The following COL28A1 variants were observed in gnomAD, a reference collection of about 807,000 sequenced individuals.
The protein encoded by COL28A1 is collagen type XXVIII alpha 1 chain.
Under a neutral mutation model 150.2 loss-of-function variants are expected in COL28A1, and 161 were observed. That is an observed-to-expected ratio of 1.07 (90% CI 0.94 to 1.22). The LOEUF (loss-of-function observed/expected upper bound fraction) is 1.22. COL28A1 is among the 50% of genes most tolerant of loss of function. COL28A1 has a pLI of 0.00. For synonymous variants in COL28A1, 552 were observed against 469.7 expected (o/e 1.18, Z -2.26); for missense variants, 1,617 against 1,388.3 (o/e 1.16, Z -2.62).
intron 13 of COL28A1, among the ~76,000 whole-genome samples, chr7:7,483,635 G>C (rs1290573489): frequency 6.6e-6 from 1 of 152,036 alleles, no homozygotes; most frequent in Non-Finnish European, 1.5e-5. Flanking sequence ...TTAAAGCCCA[G>C]CTGAAAATAA....
intron 27 of COL28A1, among the ~76,000 whole-genome samples, chr7:7,416,988 T>A (rs1562589264): frequency 6.6e-6 from 1 of 150,978 alleles, no homozygotes; most frequent in Non-Finnish European, 1.5e-5. Flanking sequence ...AGCTTAAGCA[T>A]GGTAAAAATA....
At position 7,490,562 on chromosome 7, in the gene COL28A1, A is replaced by T; in HGVS notation, c.1095+16T>A. The T allele has an allele frequency of 9.1e-7, 1 of 1,096,554 alleles. No individual in the cohort carries two copies. The highest frequency in any genetic ancestry group is 1.4e-6 in the Non-Finnish European group (1 of 710,480). 67.9% of individuals were successfully genotyped at this position (1,096,554 alleles called of 1,614,324 possible). A position where few individuals can be genotyped will look rare whatever the true frequency, so the allele number is the denominator to read the frequency against. ...ATTCAACAGTCATCAGTGGGCAAAA[A>T]GACAAGTATCTTTACCTTAATACCT... is the stretch of plus-strand genomic sequence containing the variant. On this transcript the variant is annotated intron_variant, in intron 12 of 34. Coordinates refer to ENST00000399429, the MANE Select transcript of COL28A1 (RefSeq NM_001037763.3).
chr7:7,377,019 A>C (rs1189004471), intron 30 of COL28A1, among the ~76,000 whole-genome samples: 1 of 152,170 alleles, frequency 6.6e-6, no homozygotes, highest in Non-Finnish European at 1.5e-5. Context: ...AAATTACACG[A>C]ATTAAATTAT....
At chr7:7,495,065 G>T (rs1780131313) in intron 11 of COL28A1, among the ~76,000 whole-genome samples, 1 of 152,130 alleles carries the variant, frequency 6.6e-6, no homozygotes. Context: ...TCCAATGCAA[G>T]TAGACAGCGA....
chr7:7,471,103 G>C (rs1290396491), intron 15 of COL28A1, among the ~76,000 whole-genome samples: 1 of 103,702 alleles, frequency 9.6e-6, no homozygotes, highest in South Asian at 3.1e-4. Context: ...CTAAAACTTA[G>C]AGTATAATAA....
chr7:7,381,690 T>G (rs1024376614), intron 27 of COL28A1, 78 bp from the exon 28 acceptor site: 32 of 958,112 alleles, frequency 3.3e-5, no homozygotes, highest in Admixed American at 8.8e-5. Flanking sequence ...GAAACACACT[T>G]ACGGTTTAAA....
intron 30 of COL28A1, among the ~76,000 whole-genome samples, chr7:7,376,312 G>A (rs574537750): frequency 6.6e-6 from 1 of 152,308 alleles, no homozygotes; most frequent in Non-Finnish European, 1.5e-5. Flanking sequence ...AGTTTAACAG[G>A]TGCAAAAGTA....
chr7:7,464,572 A>G (rs576268022), intron 15 of COL28A1, among the ~76,000 whole-genome samples: 12 of 152,372 alleles, frequency 7.9e-5, no homozygotes, highest in Admixed American at 2.0e-4. Flanking sequence ...CACTGGGTCA[A>G]AAATGAAATC....
Position 7,438,959 on chromosome 7 carries a change from C to G in COL28A1, c.1723-1497G>C, listed in dbSNP as rs534249820. On this transcript the variant is annotated intron_variant, in intron 21 of 34. Coordinates refer to ENST00000399429, the MANE Select transcript of COL28A1 (RefSeq NM_001037763.3). The stretch of plus-strand genomic sequence containing the variant: ...AAAATATTTACTATCTGGACCTTTA[C>G]CAAAACAAACAAACAAAAAACACTG... Among the ~76,000 whole-genome samples, 3 of 152,260 alleles carry G rather than the reference C, an allele frequency of 2.0e-5. No individual in the cohort carries two copies. In the South Asian group the frequency reaches 6.2e-4, roughly 32 times the overall value.
intron 27 of COL28A1, among the ~76,000 whole-genome samples, chr7:7,389,036 T>C (rs1782372607): frequency 6.6e-6 from 1 of 152,210 alleles, no homozygotes; most frequent in Non-Finnish European, 1.5e-5. Context: ...TTGGTCGCCA[T>C]TGCTTTTGGT....
At chr7:7,493,403 A>G (rs1780033256) in intron 11 of COL28A1, among the ~76,000 whole-genome samples, 1 of 152,160 alleles carries the variant, frequency 6.6e-6, no homozygotes. Context: ...GAGTAGAAGC[A>G]GCTCTCTTAC....
intron 8 of COL28A1, chr7:7,511,709 A>G (rs1023141253): frequency 2.1e-6 from 1 of 470,228 alleles, no homozygotes; most frequent in Non-Finnish European, 4.4e-6. Context: ...CTGAAGTGAG[A>G]TTGCATCGTG....
At position 7,358,300 on chromosome 7, in the gene COL28A1, C is replaced by T; in HGVS notation, c.*333G>A. On this transcript the variant is annotated 3_prime_UTR_variant, in exon 35 of 35. Coordinates refer to ENST00000399429, the MANE Select transcript of COL28A1 (RefSeq NM_001037763.3). ...GTTTGAGCTGACATAGTACATACAA[C>T]AGGAATTAAAGGAATCAGAATCACA... The T allele has an allele frequency of 5.3e-6, 1 of 187,928 alleles. No homozygotes were observed. Among genetic ancestry groups the T allele is most frequent in the Admixed American group, 5.9e-5 (1 of 16,944 alleles). The allele number at this position is 187,928 out of a possible 1,614,324, so 11.6% of individuals were successfully genotyped here. A position where few individuals can be genotyped will look rare whatever the true frequency, so the allele number is the denominator to read the frequency against.
intron 9 of COL28A1, among the ~76,000 whole-genome samples, chr7:7,507,415 T>G (rs1406530499): frequency 6.6e-6 from 1 of 152,176 alleles, no homozygotes; most frequent in Non-Finnish European, 1.5e-5. Flanking sequence ...GACATTTTGG[T>G]CATTTTGGTT....
chr7:7,532,640 C>T, intron 2 of COL28A1, 112 bp downstream of exon 2: 3 of 1,312,954 alleles, frequency 2.3e-6, no homozygotes. Flanking sequence ...AGTAGACTAT[C>T]ACATGTATAC....
intron 25 of COL28A1, among the ~76,000 whole-genome samples, chr7:7,427,743 C>T (rs559861604): frequency 5.3e-5 from 8 of 152,250 alleles, no homozygotes; most frequent in African/African-American, 1.9e-4. Context: ...AAATATTTAA[C>T]TCTTTTGGGT....
At chr7:7,535,471 T>C (rs1043246788) in intron 1 of COL28A1, among the ~76,000 whole-genome samples, 4 of 152,074 alleles carry the variant, frequency 2.6e-5, no homozygotes, top group Non-Finnish European at 5.9e-5. Flanking sequence ...CTGTTCCAAA[T>C]TAAGAAAAAG....
chr7:7,487,766 G>A (rs1271336916), intron 13 of COL28A1, among the ~76,000 whole-genome samples: 3 of 151,986 alleles, frequency 2.0e-5, no homozygotes, highest in East Asian at 1.9e-4. Flanking sequence ...TATTCCACTC[G>A]AATCTGAGCT....
intron 11 of COL28A1, 61 bp downstream of exon 11, chr7:7,505,953 A>T: frequency 1.2e-6 from 1 of 857,602 alleles, no homozygotes; most frequent in Non-Finnish European, 2.0e-6. Context: ...TAAAACATAC[A>T]TTACTATAGC....
Sources: allele counts gnomAD v4.1 joint callset (sites outside exome capture counted in the v4.1 genomes callset), GRCh38; gene constraint gnomAD v4.1.1; transcripts MANE v1.5; gene names NCBI Gene and HGNC (gene_info 2026-07-23, HGNC 2026-07-21).